The following MICU3 variants were observed in gnomAD, a reference collection of about 807,000 sequenced individuals.
MICU3 encodes mitochondrial calcium uptake 3, also known as calcium uptake protein 3, mitochondrial.
In MICU3, 62 loss-of-function variants were observed where a neutral mutation model predicts 66.5. The observed-to-expected ratio is 0.93, with a 90% CI of 0.76 to 1.15. The LOEUF is 1.15. MICU3 is among the 50% of genes most tolerant of loss of function. The pLI, the probability that MICU3 is intolerant of heterozygous loss-of-function variation, is 0.00. For synonymous variants in MICU3, 308 were observed against 240.7 expected (o/e 1.28, Z -2.59); for missense variants, 779 against 664.4 (o/e 1.17, Z -1.90).
At chr8:17,082,479 A>G (rs1027212005) in intron 5 of MICU3, among the ~76,000 whole-genome samples, 3 of 152,128 alleles carry the variant, frequency 2.0e-5, no homozygotes, top group African/African-American at 4.8e-5. Context: ...CATATTCTTC[A>G]TATCAGACTA....
At chr8:17,030,651 C>G (rs1811865626) in intron 1 of MICU3, among the ~76,000 whole-genome samples, 1 of 152,208 alleles carries the variant, frequency 6.6e-6, no homozygotes. Flanking sequence ...TGGAAGCAGG[C>G]ACAGGTGCAC....
At chr8:17,048,394 C>G (rs533873210) in intron 1 of MICU3, among the ~76,000 whole-genome samples, 24 of 152,134 alleles carry the variant, frequency 1.6e-4, no homozygotes, top group Non-Finnish European at 2.6e-4. Flanking sequence ...TCACATCTTA[C>G]ATGGAGGCAG....
Position 17,105,419 on chromosome 8 carries a change from G to T in MICU3, c.1092G>T (p.Met364Ile). The T allele has an allele frequency of 2.6e-6, 4 of 1,530,144 alleles. No individual in the cohort carries two copies. Among genetic ancestry groups the T allele is most frequent in the South Asian group, 1.2e-5 (1 of 81,474 alleles). The allele number at this position is 1,530,144 out of a possible 1,614,324, so 94.8% of individuals were successfully genotyped here. A position where few individuals can be genotyped will look rare whatever the true frequency, so the allele number is the denominator to read the frequency against. The change falls in exon 11 of 15, where the codon ATG becomes ATT. Residue 364 changes from methionine (M) to isoleucine (I), a missense_variant. Coordinates refer to ENST00000318063, the MANE Select transcript of MICU3 (RefSeq NM_181723.3). ...ELNFEDFYRF[M>I]DNLQTEVLEI... ...TATTACATTTTTGTCATAGATTCAT[G>T]GATAATCTCCAAACAGAAGTTCTAG...
At chr8:17,114,629 G>C (rs1021120427) in intron 12 of MICU3, among the ~76,000 whole-genome samples, 1 of 152,134 alleles carries the variant, frequency 6.6e-6, no homozygotes, top group African/African-American at 2.4e-5. Flanking sequence ...CCAAGTGCTG[G>C]TGTCCTCAGA....
Position 17,065,906 on chromosome 8 carries a change from TA to T in MICU3, c.535+1677del, listed in dbSNP as rs923130573. On this transcript the variant is annotated intron_variant, in intron 2 of 14. Coordinates refer to ENST00000318063, the MANE Select transcript of MICU3 (RefSeq NM_181723.3). The stretch of plus-strand genomic sequence containing the variant: ...CTTTTGATTATGCAAGATTTTAAAT[TA>T]AAAAAAAGATTTTAACAAGAAACTA... Among the ~76,000 whole-genome samples the T allele has an allele frequency of 2.3e-3, 351 of 151,814 alleles. 4 individuals carry two copies. Among genetic ancestry groups the T allele is most frequent in the Middle Eastern group, 0.01 (3 of 294 alleles).
Position 17,105,522 on chromosome 8 carries a change from A to C in MICU3, c.1195A>C (p.Thr399Pro). 6.3e-7 allele frequency: 1 copy of C among 1,577,606 alleles called. No homozygotes were observed. The highest frequency in any genetic ancestry group is 8.6e-7 in the Non-Finnish European group (1 of 1,158,452). ...EDFAHILLRY[T>P]NVENTSVFLE... is the part of the protein sequence containing the mutation. ...TTTTGCTCATATTCTTTTACGATAT[A>C]CAAATGTGGAAAATACATCAGTATT... The change falls in exon 11 of 15, where the codon ACA becomes CCA. Residue 399 changes from threonine to proline, a missense_variant. Transcript: ENST00000318063.
chr8:17,039,298 A>G (rs1813618878), intron 1 of MICU3, among the ~76,000 whole-genome samples: 1 of 152,226 alleles, frequency 6.6e-6, no homozygotes, highest in Non-Finnish European at 1.5e-5. Context: ...GTGGTGTGGA[A>G]CTGAACCTTC....
At chr8:17,074,950 C>T (rs192119828) in intron 3 of MICU3, among the ~76,000 whole-genome samples, 74 of 152,114 alleles carry the variant, frequency 4.9e-4, no homozygotes, top group Non-Finnish European at 5.1e-4. Context: ...TTGCAAGTTT[C>T]GGGGCTCCAG....
rs1443903589 is a variant in MICU3 at position 17,050,797 on chromosome 8, G to A, written c.382-13287G>A. On this transcript the variant is annotated intron_variant, in intron 1 of 14. Transcript: ENST00000318063. ...TGGGTAATGTTTAACAGTGACTCTT[G>A]TAGGGGACATTTTTATGGCTTTTTA... Among the ~76,000 whole-genome samples, 5 of 152,094 alleles carry A rather than the reference G, an allele frequency of 3.3e-5. No individual in the cohort carries two copies. In the South Asian group the frequency reaches 8.3e-4, roughly 25 times the overall value.
intron 9 of MICU3, 49 bp downstream of exon 9, chr8:17,098,602 A>T (rs759220431): frequency 3.5e-5 from 42 of 1,205,884 alleles, no homozygotes; most frequent in South Asian, 1.4e-4. Flanking sequence ...CATCTTGTTA[A>T]TCTAGTCGTC....
chr8:17,045,035 C>G (rs1400496580), intron 1 of MICU3, among the ~76,000 whole-genome samples: 1 of 151,836 alleles, frequency 6.6e-6, no homozygotes. Flanking sequence ...TGGCTAAAAA[C>G]CAGGGCTCTT....
intron 11 of MICU3, among the ~76,000 whole-genome samples, chr8:17,112,348 A>G (rs907304210): frequency 6.6e-6 from 1 of 152,212 alleles, no homozygotes; most frequent in Non-Finnish European, 1.5e-5. Context: ...TCTAACAGTT[A>G]AGACAAGTTC....
rs1007826438 is a variant in MICU3, at chr8:17,104,566, T to G, written c.1085+75T>G. The G allele has an allele frequency of 2.3e-5, 15 of 657,588 alleles. No homozygotes were observed. The African/African-American group carries it at 2.6e-4, about 12-fold the overall frequency. The allele number at this position is 657,588 out of a possible 1,614,324, so 40.7% of individuals were successfully genotyped here. A position where few individuals can be genotyped will look rare whatever the true frequency, so the allele number is the denominator to read the frequency against. ...AGAAGGATCTTTAGAAATTGTCTAG[T>G]ACAGCAATACTCACCTCTTTGTTAC... is the stretch of plus-strand genomic sequence containing the variant. On this transcript the variant is annotated intron_variant, in intron 10 of 14. Transcript: ENST00000318063.
In MICU3 at chr8:17,039,895, CTTTTTTTTTTTTTTT is replaced by C. The variant is rs35133600; in HGVS notation, c.381+12250_381+12264del. Reference sequence around the variant, plus strand: ...ATGAAGGTATCCATCATCTTGCATTCTTTTTTTTTTTTTTTTTTTTTTTTTTTTTGAGATGGAGTT... The same window carrying C: ...ATGAAGGTATCCATCATCTTGCATTCTTTTTTTTTTTTTTGAGATGGAGTT... On this transcript the variant is annotated intron_variant, in intron 1 of 14. Transcript: ENST00000318063. Among the ~76,000 whole-genome samples, 12 of 62,546 alleles carry C rather than the reference CTTTTTTTTTTTTTTT, an allele frequency of 1.9e-4. No homozygotes were observed. In the East Asian group the frequency reaches 5.7e-3, roughly 30 times the overall value. The allele number at this position is 62,546 out of a possible 152,430, so 41.0% of individuals were successfully genotyped here.
the MICU3 span, among the ~76,000 whole-genome samples, chr8:17,134,597 A>G: frequency 2.6e-5 from 4 of 152,120 alleles, no homozygotes; most frequent in African/African-American, 9.7e-5. Flanking sequence ...GGTGCCCACC[A>G]CCACACCTGG....
intron 8 of MICU3, among the ~76,000 whole-genome samples, chr8:17,096,054 A>G (rs1800647021): frequency 6.6e-6 from 1 of 151,952 alleles, no homozygotes; most frequent in Non-Finnish European, 1.5e-5. Context: ...ACCTCTTTTA[A>G]TGAAGGTCTA....
At chr8:17,091,768 G>T (rs890513930) in intron 8 of MICU3, among the ~76,000 whole-genome samples, 2 of 151,956 alleles carry the variant, frequency 1.3e-5, no homozygotes, top group African/African-American at 4.8e-5. Flanking sequence ...CATTTTTAAA[G>T]GATTACTCTG....
intron 1 of MICU3, among the ~76,000 whole-genome samples, chr8:17,055,199 G>A (rs180828295): frequency 1.5e-3 from 233 of 152,302 alleles, no homozygotes; most frequent in African/African-American, 5.2e-3. Context: ...ATTACAGTCT[G>A]CAGGAGATGA....
At chr8:17,043,257 C>T (rs948773080) in intron 1 of MICU3, among the ~76,000 whole-genome samples, 2 of 152,064 alleles carry the variant, frequency 1.3e-5, no homozygotes, top group African/African-American at 4.8e-5. Context: ...ATTTTTTTAA[C>T]TGGTTTCACA....
Sources: gnomAD v4.1 joint callset for allele counts (sites outside exome capture counted in the v4.1 genomes callset) on GRCh38, gnomAD v4.1.1 for gene constraint, MANE v1.5 for transcripts, NCBI Gene and HGNC (gene_info 2026-07-23, HGNC 2026-07-21) for gene names.